Variants in UBE2K observed in about 807,000 individuals in gnomAD.
UBE2K encodes the protein ubiquitin conjugating enzyme E2 K, also known as ubiquitin-conjugating enzyme E2 K.
UBE2K carries 6 observed loss-of-function variants against 30.0 expected under a neutral mutation model. That is an observed-to-expected ratio of 0.20 (90% CI 0.11 to 0.39). The LOEUF (loss-of-function observed/expected upper bound fraction) is 0.39. Ranked by LOEUF, UBE2K falls within the 10% of genes least tolerant of loss-of-function variation. The pLI, the probability that UBE2K is intolerant of heterozygous loss-of-function variation, is 1.00. For synonymous variants in UBE2K, 86 were observed against 83.7 expected (o/e 1.03, Z -0.15); for missense variants, 61 against 241.6 (o/e 0.25, Z 4.96).
rs1713527052 is a variant in UBE2K at position 39,780,049 on chromosome 4, T to C, written c.*1615T>C. The C allele has an allele frequency of 6.6e-6, 1 of 152,196 alleles. No homozygotes were observed. Among genetic ancestry groups the C allele is most frequent in the Non-Finnish European group, 1.5e-5 (1 of 68,000 alleles). The allele number at this position is 152,196 out of a possible 1,614,324, so 9.4% of individuals were successfully genotyped here. On this transcript the variant is annotated 3_prime_UTR_variant, in exon 7 of 7. Transcript: ENST00000261427. ...CTTCCAAAAATTTGTAAGGCTTTCC[T>C]AATTAACAGTAAACTCTTATAGCTG... is the stretch of plus-strand genomic sequence containing the variant.
chr4:39,706,655 G>T (rs756792411), intron 1 of UBE2K, among the ~76,000 whole-genome samples: 34 of 151,606 alleles, frequency 2.2e-4, no homozygotes, highest in Non-Finnish European at 4.4e-4. Flanking sequence ...ATTGTTAGTA[G>T]AGACAGGGTT....
chr4:39,756,116 G>T (rs1448762198), intron 4 of UBE2K, among the ~76,000 whole-genome samples: 1 of 152,230 alleles, frequency 6.6e-6, no homozygotes, highest in Non-Finnish European at 1.5e-5. Flanking sequence ...GTTGCAGGTT[G>T]TGTTAATTGA....
chr4:39,714,517 C>CATATATATATATATATATATATATAT (rs71645182), intron 1 of UBE2K: 1 of 41,638 alleles, frequency 2.4e-5, no homozygotes, highest in Non-Finnish European at 3.6e-5. Flanking sequence ...TTAGAAGTTT[C>CATATATATATATATATATATATATAT]ATATATATAT....
intron 1 of UBE2K, among the ~76,000 whole-genome samples, chr4:39,728,712 C>T (rs1346114273): frequency 1.3e-5 from 2 of 151,876 alleles, no homozygotes; most frequent in African/African-American, 2.4e-5. Context: ...GATCTCGGCT[C>T]ACTGCAAGCT....
chr4:39,735,750 A>AT (rs1319407240), intron 1 of UBE2K, among the ~76,000 whole-genome samples: 2 of 152,134 alleles, frequency 1.3e-5, no homozygotes, highest in Non-Finnish European at 2.9e-5. Context: ...GTTGTTAATG[A>AT]TTTTTTAGGG....
At chr4:39,706,392 G>T (rs764351523) in intron 1 of UBE2K, among the ~76,000 whole-genome samples, 1 of 150,006 alleles carries the variant, frequency 6.7e-6, no homozygotes, top group Non-Finnish European at 1.5e-5. Flanking sequence ...TTAAACTCGC[G>T]GCCTCAGATG....
At chr4:39,772,077 T>G (rs940663671) in intron 4 of UBE2K, among the ~76,000 whole-genome samples, 1 of 152,162 alleles carries the variant, frequency 6.6e-6, no homozygotes, top group Non-Finnish European at 1.5e-5. Flanking sequence ...CCTCAAGTGA[T>G]CTGCCTGCCT....
intron 3 of UBE2K, among the ~76,000 whole-genome samples, chr4:39,754,785 G>GTGT (rs1266811941): frequency 6.6e-6 from 1 of 152,128 alleles, no homozygotes; most frequent in Non-Finnish European, 1.5e-5. Context: ...AGATTACAGT[G>GTGT]TGTGAGTGCT....
At chr4:39,747,496 A>G (rs899604628) in intron 3 of UBE2K, among the ~76,000 whole-genome samples, 1 of 152,248 alleles carries the variant, frequency 6.6e-6, no homozygotes, top group Non-Finnish European at 1.5e-5. Flanking sequence ...ATCAAGGTTC[A>G]TTCATGTTAA....
intron 1 of UBE2K, among the ~76,000 whole-genome samples, chr4:39,720,641 G>A (rs919999525): frequency 5.9e-5 from 9 of 152,116 alleles, no homozygotes; most frequent in African/African-American, 2.2e-4. Context: ...ATACTTACAG[G>A]ATAAATTAGA....
At chr4:39,727,133 T>G (rs938356020) in intron 1 of UBE2K, among the ~76,000 whole-genome samples, 4 of 152,222 alleles carry the variant, frequency 2.6e-5, no homozygotes, top group African/African-American at 9.6e-5. Context: ...AGTTACATTA[T>G]TCTTCTTAAT....
intron 4 of UBE2K, chr4:39,770,635 A>G: frequency 6.2e-7 from 1 of 1,600,096 alleles, no homozygotes; most frequent in African/African-American, 1.3e-5. Context: ...GCGTTCTCCG[A>G]CAGGCTATAG....
At chr4:39,770,991 G>T (rs1333319038) in intron 4 of UBE2K, 1 of 1,606,964 alleles carries the variant, frequency 6.2e-7, no homozygotes, top group Admixed American at 1.7e-5. Flanking sequence ...GGGACTTGTT[G>T]GCGCTGACGC....
At chr4:39,700,166 T>C (rs766181125) in intron 1 of UBE2K, among the ~76,000 whole-genome samples, 2 of 152,150 alleles carry the variant, frequency 1.3e-5, no homozygotes, top group Non-Finnish European at 2.9e-5. Context: ...TGTGGTCTCT[T>C]TGCTTTTTAT....
In UBE2K at chr4:39,732,672, C is replaced by CTTTTTTT. The variant is rs10650873; in HGVS notation, c.64-4734_64-4728dup. On this transcript the variant is annotated intron_variant, in intron 1 of 6. Transcript: ENST00000261427. ...TGCTAACTTCTATAGCTTCTTCCCT[C>CTTTTTTT]TTTTTTTTTTTTTTTTTTTTGGTGA... 2.0e-4 allele frequency among the ~76,000 whole-genome samples: 23 copies of CTTTTTTT among 115,108 alleles called. 1 individual carries two copies. The highest frequency in any genetic ancestry group is 4.2e-4 in the African/African-American group (12 of 28,472). 75.5% of individuals were successfully genotyped at this position (115,108 alleles called of 152,430 possible).
chr4:39,757,559 A>G (rs1294447852), intron 4 of UBE2K, among the ~76,000 whole-genome samples: 4 of 152,062 alleles, frequency 2.6e-5, no homozygotes, highest in African/African-American at 7.2e-5. Context: ...CTGTATTTCA[A>G]TATATTCTAT....
chr4:39,722,985 C>T (rs765912508), intron 1 of UBE2K, among the ~76,000 whole-genome samples: 2 of 151,836 alleles, frequency 1.3e-5, no homozygotes, highest in Non-Finnish European at 2.9e-5. Context: ...GGAATTTCAC[C>T]ATGTTGGCCA....
At chr4:39,764,881 A>T (rs1345748278) in intron 4 of UBE2K, among the ~76,000 whole-genome samples, 2 of 118,800 alleles carry the variant, frequency 1.7e-5, no homozygotes, top group African/African-American at 3.5e-5. Context: ...ATCTCTAAGA[A>T]CTTATTAATT....
At chr4:39,775,853 T>C (rs1240403382) in intron 5 of UBE2K, among the ~76,000 whole-genome samples, 1 of 152,182 alleles carries the variant, frequency 6.6e-6, no homozygotes, top group Non-Finnish European at 1.5e-5. Context: ...TCTAAGATAT[T>C]ACCCTCTTTT....
Sources: gnomAD v4.1 joint callset for allele counts (sites outside exome capture counted in the v4.1 genomes callset) on GRCh38, gnomAD v4.1.1 for gene constraint, MANE v1.5 for transcripts, NCBI Gene and HGNC (gene_info 2026-07-23, HGNC 2026-07-21) for gene names.